KIF9: variants seen among roughly 807,000 people sequenced by gnomAD.
The protein encoded by KIF9 is kinesin-like protein KIF9.
KIF9 carries 68 observed loss-of-function variants against 94.8 expected under a neutral mutation model. The ratio of observed to expected loss-of-function variants is 0.72; its 90% CI spans 0.59 to 0.88. KIF9 has a LOEUF of 0.88. Among genes scored for constraint, KIF9 ranks in the 40% least tolerant of loss-of-function variants. KIF9 has a pLI of 0.00. For synonymous variants in KIF9, 343 were observed against 362.1 expected (o/e 0.95, Z 0.60); for missense variants, 882 against 982.5 (o/e 0.90, Z 1.37).
chr3:47,282,234 G>A lies in KIF9; in HGVS notation c.-6+261C>T, dbSNP rs186774465. The A allele has an allele frequency of 2.3e-4, 224 of 985,492 alleles. No homozygotes were observed. The African/African-American group carries it at 3.6e-3, about 16-fold the overall frequency. The allele number at this position is 985,492 out of a possible 1,614,324, so 61.0% of individuals were successfully genotyped here. ...GAGTCCAGACGACCTCTGGCTCCCTGCCTCACGGCCTCTATGTCCTGGACG... is the reference window on the plus strand; with the variant it reads ...GAGTCCAGACGACCTCTGGCTCCCTACCTCACGGCCTCTATGTCCTGGACG... On this transcript the variant is annotated intron_variant, in intron 1 of 20. Transcript: ENST00000684063.
intron 1 of KIF9, among the ~76,000 whole-genome samples, chr3:47,279,741 C>G (rs1372007575): frequency 6.6e-6 from 1 of 151,708 alleles, no homozygotes; most frequent in African/African-American, 2.4e-5. Context: ...CTCAGCCTCC[C>G]GAGTAGCTGG....
chr3:47,259,780 A>G (rs1700846517), intron 9 of KIF9, among the ~76,000 whole-genome samples: 1 of 139,446 alleles, frequency 7.2e-6, no homozygotes, highest in Non-Finnish European at 1.5e-5. Flanking sequence ...GCTCCTTAAG[A>G]GTCATCACCA....
At chr3:47,263,906 G>A (rs756359252) in intron 9 of KIF9, 19 of 459,650 alleles carry the variant, frequency 4.1e-5, no homozygotes, top group South Asian at 2.9e-4. Context: ...AACCCTGTGG[G>A]GTTTTCAAGA....
At chr3:47,235,104 G>A (rs1274126778) in intron 20 of KIF9, among the ~76,000 whole-genome samples, 2 of 152,176 alleles carry the variant, frequency 1.3e-5, no homozygotes, top group Non-Finnish European at 2.9e-5. Context: ...AGCCTAACCT[G>A]CTCGAGGAGG....
intron 16 of KIF9, 144 bp from the exon 17 acceptor site, chr3:47,241,159 G>T: frequency 1.5e-6 from 1 of 668,060 alleles, no homozygotes; most frequent in Non-Finnish European, 2.6e-6. Context: ...GAGCTAAACT[G>T]TGTGTGAATC....
At chr3:47,252,488 T>G (rs1219288503) in intron 10 of KIF9, among the ~76,000 whole-genome samples, 1 of 151,712 alleles carries the variant, frequency 6.6e-6, no homozygotes, top group East Asian at 1.9e-4. Flanking sequence ...TCCCAGCTAC[T>G]TGGGAGGCTG....
chr3:47,241,554 T>A, intron 16 of KIF9, among the ~76,000 whole-genome samples: 1 of 150,630 alleles, frequency 6.6e-6, no homozygotes, highest in Non-Finnish European at 1.5e-5. Flanking sequence ...ACTCCCGACC[T>A]CAGGTAATCC....
intron 16 of KIF9, among the ~76,000 whole-genome samples, chr3:47,241,769 GTATA>G (rs1328663073): frequency 4.0e-5 from 5 of 126,326 alleles, no homozygotes; most frequent in East Asian, 2.2e-4. Flanking sequence ...ACATATATAC[GTATA>G]TATACATGTA....
chr3:47,264,411 T>G (rs1701169420), intron 8 of KIF9, 61 bp from the exon 9 acceptor site: 3 of 1,327,766 alleles, frequency 2.3e-6, no homozygotes, highest in South Asian at 1.2e-5. Flanking sequence ...CCAAAGGAGT[T>G]GATGGGGTCT....
At chr3:47,253,572 G>T (rs543691326) in intron 10 of KIF9, among the ~76,000 whole-genome samples, 1 of 152,124 alleles carries the variant, frequency 6.6e-6, no homozygotes, top group Non-Finnish European at 1.5e-5. Context: ...CCTCAGTCTG[G>T]TTTTTTCACT....
intron 1 of KIF9, among the ~76,000 whole-genome samples, chr3:47,279,622 A>AT (rs1184305219): frequency 1.0e-3 from 154 of 146,756 alleles, no homozygotes; most frequent in Middle Eastern, 7.0e-3. Flanking sequence ...ATTTTATTTT[A>AT]TTTTTTTTTT....
chr3:47,245,147 C>T (rs755211745), intron 14 of KIF9: 5 of 612,572 alleles, frequency 8.2e-6, no homozygotes, highest in African/African-American at 1.8e-5. Flanking sequence ...AGTATGGCAC[C>T]TCATTCCATA....
intron 17 of KIF9, chr3:47,238,718 T>C (rs916392994): frequency 6.6e-6 from 1 of 152,108 alleles, no homozygotes; most frequent in Non-Finnish European, 1.5e-5. Context: ...TGGAGTGCAG[T>C]GGCGCAATCT....
At chr3:47,241,882 A>AT (rs1256187442) in intron 16 of KIF9, among the ~76,000 whole-genome samples, 40 of 97,286 alleles carry the variant, frequency 4.1e-4, no homozygotes, top group African/African-American at 1.6e-3. Context: ...ATATATATAT[A>AT]TATTTTTTTT....
intron 17 of KIF9, among the ~76,000 whole-genome samples, chr3:47,237,600 A>G (rs531916736): frequency 6.6e-6 from 1 of 152,334 alleles, no homozygotes; most frequent in East Asian, 1.9e-4. Context: ...ACAGCACCTG[A>G]AAGCTTAGCA....
intron 18 of KIF9, 41 bp from the exon 19 acceptor site, chr3:47,236,190 A>C: frequency 7.0e-7 from 1 of 1,428,682 alleles, no homozygotes; most frequent in Non-Finnish European, 9.9e-7. Context: ...GAAGCCGGTA[A>C]GGGCTGTGTG....
In KIF9 at chr3:47,271,552, A is replaced by G. The variant is rs1701650440; in HGVS notation, c.367-91T>C. On this transcript the variant is annotated intron_variant, in intron 4 of 20. Coordinates refer to ENST00000684063, the MANE Select transcript of KIF9 (RefSeq NM_182902.4). ...GCTTCCTAACTCAGAAGGGAACATCAAGATGTATAGAATAATTATTGTCCT... is the reference window on the plus strand; with the variant it reads ...GCTTCCTAACTCAGAAGGGAACATCGAGATGTATAGAATAATTATTGTCCT... 4 of 852,902 alleles carry G rather than the reference A, an allele frequency of 4.7e-6. No individual in the cohort carries two copies. In the Admixed American group the frequency reaches 7.4e-5, roughly 16 times the overall value. The allele number at this position is 852,902 out of a possible 1,614,324, so 52.8% of individuals were successfully genotyped here. A position where few individuals can be genotyped will look rare whatever the true frequency, so the allele number is the denominator to read the frequency against.
intron 8 of KIF9, 56 bp downstream of exon 8, chr3:47,265,674 T>G: frequency 1.9e-6 from 3 of 1,587,094 alleles, no homozygotes; most frequent in Non-Finnish European, 2.6e-6. Flanking sequence ...GTGCCAAACC[T>G]GTCCCTCCCC....
intron 9 of KIF9, among the ~76,000 whole-genome samples, chr3:47,261,887 G>C (rs760380735): frequency 6.6e-5 from 10 of 152,150 alleles, no homozygotes; most frequent in Non-Finnish European, 2.9e-5. Flanking sequence ...CCATCCCTGT[G>C]GTTACTCAGC....
Sources: gnomAD v4.1 joint callset for allele counts (sites outside exome capture counted in the v4.1 genomes callset) on GRCh38, gnomAD v4.1.1 for gene constraint, MANE v1.5 for transcripts, NCBI Gene and HGNC (gene_info 2026-07-23, HGNC 2026-07-21) for gene names.